PARD3: variants seen among roughly 807,000 people sequenced by gnomAD.
PARD3 encodes par-3 family cell polarity regulator.
Under a neutral mutation model 155.4 loss-of-function variants are expected in PARD3, and 75 were observed. The ratio of observed to expected loss-of-function variants is 0.48; its 90% confidence interval spans 0.40 to 0.58. The LOEUF (loss-of-function observed/expected upper bound fraction) is 0.58, where lower values mean the gene tolerates loss of function less well. Among genes scored for constraint, PARD3 ranks in the 20% least tolerant of loss-of-function variants. PARD3 has a pLI of 0.00. For synonymous variants in PARD3, 576 were observed against 610.5 expected (o/e 0.94, Z 0.83); for missense variants, 1,642 against 1,721.7 (o/e 0.95, Z 0.82).
In PARD3 at chr10:34,157,722, A is replaced by T. The variant is rs1256227353; in HGVS notation, c.3420-26139T>A. ...ATCTGCTTCCTATAGAGGGTTCCCT[A>T]TTCCCAATGACACATGCCCAAATGA... On this transcript the variant is annotated intron_variant, in intron 22 of 24. Transcript: ENST00000374788. Among the ~76,000 whole-genome samples, 3 of 152,358 alleles carry T rather than the reference A, an allele frequency of 2.0e-5. No homozygotes were observed. In the East Asian group the frequency reaches 5.8e-4, roughly 29 times the overall value.
At chr10:34,477,743 G>T (rs2078807584) in intron 3 of PARD3, among the ~76,000 whole-genome samples, 1 of 152,148 alleles carries the variant, frequency 6.6e-6, no homozygotes. Flanking sequence ...ATAAAACTCT[G>T]CCAAGAAGAC....
chr10:34,576,264 C>A (rs1184632407), intron 2 of PARD3, among the ~76,000 whole-genome samples: 1 of 152,222 alleles, frequency 6.6e-6, no homozygotes, highest in Admixed American at 6.5e-5. Context: ...ATACAGTTCG[C>A]TTGCCTCTGG....
At chr10:34,784,622 A>C (rs1840708402) in intron 1 of PARD3, among the ~76,000 whole-genome samples, 1 of 152,154 alleles carries the variant, frequency 6.6e-6, no homozygotes, top group African/African-American at 2.4e-5. Flanking sequence ...ATTTTAGTAG[A>C]GACAGGGTTT....
chr10:34,677,372 T>C (rs748923837), intron 2 of PARD3, among the ~76,000 whole-genome samples: 8 of 151,158 alleles, frequency 5.3e-5, no homozygotes, highest in Non-Finnish European at 1.0e-4. Context: ...CTCAGCTACT[T>C]GAGAGGCTGA....
intron 20 of PARD3, chr10:34,312,149 T>C (rs1332140049): frequency 1.1e-6 from 1 of 885,510 alleles, no homozygotes; most frequent in South Asian, 1.8e-5. Context: ...AAGCGTAATT[T>C]AAACCCCAAG....
At chr10:34,698,842 C>T (rs1174118381) in intron 1 of PARD3, among the ~76,000 whole-genome samples, 1 of 152,184 alleles carries the variant, frequency 6.6e-6, no homozygotes, top group Non-Finnish European at 1.5e-5. Context: ...CTTTACCTTC[C>T]GGTTATTATA....
At chr10:34,142,945 T>C (rs999029196) in intron 22 of PARD3, among the ~76,000 whole-genome samples, 4 of 152,116 alleles carry the variant, frequency 2.6e-5, no homozygotes, top group African/African-American at 9.7e-5. Flanking sequence ...AGGTGTCTGA[T>C]TAAAGAGCAA....
chr10:34,255,709 C>CTTTG (rs1954619632), intron 22 of PARD3, among the ~76,000 whole-genome samples: 1 of 152,132 alleles, frequency 6.6e-6, no homozygotes, highest in Non-Finnish European at 1.5e-5. Context: ...TCATGGAAGA[C>CTTTG]GACAAACTCT....
chr10:34,474,635 G>C (rs1013838852), intron 3 of PARD3, among the ~76,000 whole-genome samples: 1 of 152,178 alleles, frequency 6.6e-6, no homozygotes, highest in Non-Finnish European at 1.5e-5. Flanking sequence ...CCACGTCACA[G>C]ATGAGTAAGC....
At chr10:34,405,015 C>T (rs904062034) in intron 5 of PARD3, among the ~76,000 whole-genome samples, 1 of 151,484 alleles carries the variant, frequency 6.6e-6, no homozygotes, top group Non-Finnish European at 1.5e-5. Flanking sequence ...CTGCAGTAAG[C>T]TATGACCATG....
intron 1 of PARD3, among the ~76,000 whole-genome samples, chr10:34,795,898 A>AATAAC (rs151143590): frequency 0.2 from 30,726 of 151,498 alleles, 3,363 homozygotes; most frequent in South Asian, 0.33. Context: ...CCATCTCAAA[A>AATAAC]ATAACATAAC....
chr10:34,505,876 T>C (rs1176954546), intron 3 of PARD3, among the ~76,000 whole-genome samples: 1 of 152,220 alleles, frequency 6.6e-6, no homozygotes, highest in Non-Finnish European at 1.5e-5. Context: ...CTCACGCTTA[T>C]AATCCCAGCA....
chr10:34,473,621 C>A (rs187544555), intron 3 of PARD3, among the ~76,000 whole-genome samples: 102 of 152,222 alleles, frequency 6.7e-4, no homozygotes, highest in African/African-American at 2.4e-3. Context: ...GGCTTGGACA[C>A]CAGACCAAAC....
At chr10:34,129,909 A>G (rs1947516653) in intron 23 of PARD3, among the ~76,000 whole-genome samples, 1 of 150,406 alleles carries the variant, frequency 6.6e-6, no homozygotes, top group Admixed American at 6.6e-5. Flanking sequence ...GGCTCGAGCA[A>G]TGCTCCTGCC....
chr10:34,264,172 T>A (rs1955175962), intron 22 of PARD3, among the ~76,000 whole-genome samples: 1 of 152,190 alleles, frequency 6.6e-6, no homozygotes, highest in Non-Finnish European at 1.5e-5. Flanking sequence ...CAGTACTCAA[T>A]AAATTGTACA....
intron 22 of PARD3, among the ~76,000 whole-genome samples, chr10:34,152,631 T>C (rs1238668579): frequency 6.6e-6 from 1 of 152,222 alleles, no homozygotes; most frequent in Non-Finnish European, 1.5e-5. Flanking sequence ...TACTTCAATG[T>C]GTGCTGATCT....
chr10:34,530,942 A>C (rs1259068674), intron 2 of PARD3, among the ~76,000 whole-genome samples: 1 of 152,238 alleles, frequency 6.6e-6, no homozygotes, highest in Non-Finnish European at 1.5e-5. Flanking sequence ...TTAAAAGGCG[A>C]CAGTCCCTTA....
At chr10:34,311,139 G>A (rs778559965) in intron 20 of PARD3, among the ~76,000 whole-genome samples, 5 of 152,282 alleles carry the variant, frequency 3.3e-5, no homozygotes, top group East Asian at 3.9e-4. Flanking sequence ...TCACTTGGGC[G>A]GGGGCGAGGG....
intron 1 of PARD3, among the ~76,000 whole-genome samples, chr10:34,730,861 A>C (rs985052879): frequency 1.3e-5 from 2 of 152,246 alleles, no homozygotes; most frequent in African/African-American, 4.8e-5. Context: ...AGACGCTGTG[A>C]GGATTCCAGC....
Sources: gnomAD v4.1 joint callset for allele counts (sites outside exome capture counted in the v4.1 genomes callset) on GRCh38, gnomAD v4.1.1 for gene constraint, MANE v1.5 for transcripts, NCBI Gene and HGNC (gene_info 2026-07-23, HGNC 2026-07-21) for gene names.